The following HORMAD1 variants were observed in gnomAD, a reference collection of about 807,000 sequenced individuals.
The protein encoded by HORMAD1 is HORMA domain-containing protein 1.
In HORMAD1, 33 loss-of-function variants were observed where a neutral mutation model predicts 58.2. The observed-to-expected ratio is 0.57, with a 90% CI of 0.43 to 0.76. HORMAD1 has a LOEUF of 0.76. HORMAD1 is among the 30% of genes least tolerant of loss of function. The probability of loss-of-function intolerance (pLI) is 0.00; values close to 1 mark genes in which losing one functional copy is unlikely to be tolerated. For missense variants in HORMAD1, 363 were observed against 462.0 expected (o/e 0.79, Z 1.96); for synonymous variants, 137 against 144.6 (o/e 0.95, Z 0.38).
In HORMAD1 at chr1:150,710,749, T is replaced by C. The variant is rs115698267; in HGVS notation, c.327+796A>G. Among the ~76,000 whole-genome samples, 755 of 152,326 alleles carry C rather than the reference T, an allele frequency of 5.0e-3. 4 individuals are homozygous for C. The highest frequency in any genetic ancestry group is 7.6e-3 in the Non-Finnish European group (520 of 68,024). ...CTTCTATTGCTTTCTTTATATTTCA[T>C]TGCTTACATAGTGATGTTTTTAAAC... On this transcript the variant is annotated intron_variant, in intron 7 of 14. Transcript: ENST00000361824.
chr1:150,704,881 A>G (rs1487055924), intron 10 of HORMAD1, among the ~76,000 whole-genome samples: 1 of 152,014 alleles, frequency 6.6e-6, no homozygotes, highest in African/African-American at 2.4e-5. Context: ...CGTCTCTACT[A>G]AAAATACAAA....
intron 8 of HORMAD1, 22 bp downstream of exon 8, chr1:150,708,872 A>G (rs1651775273): frequency 1.6e-6 from 2 of 1,257,714 alleles, no homozygotes; most frequent in East Asian, 4.6e-5. Flanking sequence ...TGTAATACAA[A>G]CAGAAAACTA....
chr1:150,714,120 TC>T lies in HORMAD1; in HGVS notation c.243del (p.Trp81Ter). On this transcript the variant is annotated frameshift_variant and splice_region_variant, in exon 5 of 15. Transcript: ENST00000361824. LOFTEE classifies it high-confidence loss of function. The stretch of plus-strand genomic sequence containing the variant: ...TGTAAAGCATCATAACATCCTAGCA[TC>T]CTAAAAAAAAAATCAAGGATTCATT... ...NCPGSTQLVKWMLGCYDALQK... is the reference protein window; with the variant it reads ...NCPGSTQLVKXMLGCYDALQK... 1 of 1,515,272 alleles carries T rather than the reference TC, an allele frequency of 6.6e-7. No individual in the cohort carries two copies. The allele number at this position is 1,515,272 out of a possible 1,614,324, so 93.9% of individuals were successfully genotyped here.
intron 13 of HORMAD1, among the ~76,000 whole-genome samples, chr1:150,700,734 G>A (rs1162589450): frequency 6.6e-6 from 1 of 152,110 alleles, no homozygotes; most frequent in African/African-American, 2.4e-5. Context: ...ACTTTTGTGA[G>A]TAACTTCCTT....
chr1:150,702,640 AG>A (rs1463609619), intron 13 of HORMAD1, among the ~76,000 whole-genome samples: 1 of 152,212 alleles, frequency 6.6e-6, no homozygotes, highest in African/African-American at 2.4e-5. Context: ...AAACTAACAC[AG>A]GAACAGAAAA....
chr1:150,718,453 T>G (rs187944600), intron 2 of HORMAD1, among the ~76,000 whole-genome samples: 19 of 151,100 alleles, frequency 1.3e-4, no homozygotes, highest in Admixed American at 5.3e-4. Flanking sequence ...GCTCAAAAAG[T>G]ACCTAAAAAT....
At chr1:150,713,184 C>T (rs1417703504) in intron 5 of HORMAD1, among the ~76,000 whole-genome samples, 2 of 152,198 alleles carry the variant, frequency 1.3e-5, no homozygotes, top group Non-Finnish European at 2.9e-5. Flanking sequence ...AAAGTTACTT[C>T]ACCTTTCCAT....
intron 7 of HORMAD1, among the ~76,000 whole-genome samples, chr1:150,709,621 C>T (rs1415393417): frequency 6.6e-6 from 1 of 151,658 alleles, no homozygotes; most frequent in Non-Finnish European, 1.5e-5. Context: ...GACCGTCCCC[C>T]AGCCCGACAC....
intron 2 of HORMAD1, 69 bp from the exon 3 acceptor site, chr1:150,717,351 A>T (rs1325507944): frequency 1.0e-6 from 1 of 998,462 alleles, no homozygotes; most frequent in East Asian, 2.8e-5. Flanking sequence ...TTGACTTAAC[A>T]TATATCCAAT....
chr1:150,699,747 G>T (rs11204705), intron 14 of HORMAD1, among the ~76,000 whole-genome samples: 57,595 of 149,900 alleles, frequency 0.38, 11,419 homozygotes, highest in South Asian at 0.55. Context: ...TTGGCCAGGA[G>T]GGTCTCGATC....
intron 7 of HORMAD1, 44 bp from the exon 8 acceptor site, chr1:150,709,005 T>C (rs754060316): frequency 8.8e-6 from 8 of 909,708 alleles, no homozygotes; most frequent in African/African-American, 1.6e-5. Context: ...TATTCAGTAC[T>C]AGCTGCTAAA....
intron 9 of HORMAD1, among the ~76,000 whole-genome samples, chr1:150,707,272 A>G (rs1053876912): frequency 5.3e-5 from 8 of 152,234 alleles, no homozygotes; most frequent in African/African-American, 1.9e-4. Flanking sequence ...AAAATTTCTT[A>G]AAAAACACAA....
At position 150,717,228 on chromosome 1, in the gene HORMAD1, C is replaced by G. The variant is rs1393502995; in HGVS notation, c.88G>C (p.Val30Leu). ...ACTGAAACTGCTAGAAGCCTCTTCA[C>G]TAACACCAAAGACTGGTGTTCAGTT... ...ISTEHQSLVL[V>L]KRLLAVSVSC... Residue 30 changes from valine to leucine, a missense_variant, in exon 3 of 15, where the codon GTG (valine) becomes CTG (leucine). Around this residue, in one of 3 missense-constraint regions of HORMAD1, gnomAD observed 128 missense variants for 171.8 expected, o/e 0.74. Coordinates refer to ENST00000361824, the MANE Select transcript of HORMAD1 (RefSeq NM_032132.5). 6.3e-7 allele frequency: 1 copy of G among 1,594,424 alleles called. No homozygotes were observed.
chr1:150,715,802 C>A (rs1209844430), intron 3 of HORMAD1, among the ~76,000 whole-genome samples: 3 of 151,926 alleles, frequency 2.0e-5, no homozygotes, highest in Non-Finnish European at 4.4e-5. Context: ...CTATTGATTT[C>A]TTTCATCATT....
rs948866517 is a variant in HORMAD1, at chr1:150,698,539, T to C, written c.*115A>G. On this transcript the variant is annotated 3_prime_UTR_variant, in exon 15 of 15. Transcript: ENST00000361824. ...CAGTCAGCCAAAAACTTAGTTTTAG[T>C]GTACAAACTGCTTTAAACTACATAT... 2.1e-6 allele frequency: 1 copy of C among 470,404 alleles called. No individual in the cohort carries two copies. Among genetic ancestry groups the C allele is most frequent in the Non-Finnish European group, 3.8e-6 (1 of 263,370 alleles). 29.1% of individuals were successfully genotyped at this position (470,404 alleles called of 1,614,324 possible).
At position 150,714,595 on chromosome 1, in the gene HORMAD1, T is replaced by G; in HGVS notation, c.242+20A>C. The G allele has an allele frequency of 7.7e-7, 1 of 1,290,516 alleles. No individual in the cohort carries two copies. The highest frequency in any genetic ancestry group is 1.1e-6 in the Non-Finnish European group (1 of 931,854). The allele number at this position is 1,290,516 out of a possible 1,614,324, so 79.9% of individuals were successfully genotyped here. On this transcript the variant is annotated intron_variant, in intron 4 of 14. Transcript: ENST00000361824. ...ATGAGAAAAAAATAATTTTCTCTCT[T>G]TAGGTATTCTTTTACTTGCCATTTC... is the stretch of plus-strand genomic sequence containing the variant.
intron 8 of HORMAD1, 127 bp from the exon 9 acceptor site, chr1:150,708,534 A>G: frequency 1.9e-6 from 1 of 531,680 alleles, no homozygotes; most frequent in South Asian, 4.3e-5. Flanking sequence ...GAAAGTTACC[A>G]TGTGTTTTAA....
chr1:150,720,679 A>G (rs1341895953), intron 1 of HORMAD1, 125 bp downstream of exon 1: 8 of 152,238 alleles, frequency 5.3e-5, no homozygotes, highest in Non-Finnish European at 8.8e-5. Context: ...ATACATTTTT[A>G]CCGCAAATGT....
At chr1:150,704,890 A>C (rs587730897) in intron 10 of HORMAD1, among the ~76,000 whole-genome samples, 1 of 152,172 alleles carries the variant, frequency 6.6e-6, no homozygotes, top group East Asian at 1.9e-4. Context: ...TAAAAATACA[A>C]AAATTAGCCC....
Sources: gnomAD v4.1 joint callset for allele counts (sites outside exome capture counted in the v4.1 genomes callset) on GRCh38, gnomAD v4.1.1 for gene constraint, gnomAD v4.1.1 regional missense constraint, MANE v1.5 for transcripts, NCBI Gene and HGNC (gene_info 2026-07-23, HGNC 2026-07-21) for gene names.